The following STT3B variants were observed in gnomAD, a reference collection of about 807,000 sequenced individuals.
The protein encoded by STT3B is STT3 oligosaccharyltransferase complex catalytic subunit B.
In STT3B, 29 loss-of-function variants were observed where a neutral mutation model predicts 96.8. The observed-to-expected ratio is 0.30, with a 90% CI of 0.22 to 0.41. The LOEUF (loss-of-function observed/expected upper bound fraction) is 0.41. STT3B is among the 10% of genes least tolerant of loss of function. STT3B has a pLI of 1.00. For missense variants in STT3B, 640 were observed against 1,022.3 expected (o/e 0.63, Z 5.10); for synonymous variants, 367 against 360.0 (o/e 1.02, Z -0.22).
At position 31,600,394 on chromosome 3, in the gene STT3B, A is replaced by G. The variant is rs764101279; in HGVS notation, c.812A>G (p.Asn271Ser). The change falls in exon 5 of 16, where the codon AAT (asparagine) becomes AGT (serine). Residue 271 changes from asparagine to serine, a missense_variant. Physicochemically the swap from Asn to Ser is conservative, Grantham distance 46. This residue lies in a region of STT3B where 267 missense variants were observed against 388.3 expected (regional missense o/e 0.69). Coordinates refer to ENST00000295770, the MANE Select transcript of STT3B (RefSeq NM_178862.3). The stretch of plus-strand genomic sequence containing the variant: ...TGGGGTGGTTATGTATTTATCATCA[A>G]TCTTATTCCACTGCATGTATTTGTG... Reference protein sequence around the residue: ...SAWGGYVFIINLIPLHVFVLL... With the variant: ...SAWGGYVFIISLIPLHVFVLL... 27 of 1,594,500 alleles carry G rather than the reference A, an allele frequency of 1.7e-5. No homozygotes were observed. Among genetic ancestry groups the G allele is most frequent in the South Asian group, 3.4e-5 (3 of 89,382 alleles).
intron 1 of STT3B, among the ~76,000 whole-genome samples, chr3:31,557,848 T>G (rs1575412813): frequency 6.6e-6 from 1 of 152,170 alleles, no homozygotes; most frequent in Non-Finnish European, 1.5e-5. Flanking sequence ...GCTAGGATGG[T>G]CTTGATCTCC....
intron 5 of STT3B, among the ~76,000 whole-genome samples, chr3:31,609,596 T>G (rs1258744133): frequency 1.3e-5 from 2 of 152,042 alleles, no homozygotes; most frequent in Non-Finnish European, 2.9e-5. Flanking sequence ...TTTTTTTGTT[T>G]TGTTTTGTTT....
intron 3 of STT3B, among the ~76,000 whole-genome samples, chr3:31,580,597 G>T (rs1178023828): frequency 6.6e-6 from 1 of 152,040 alleles, no homozygotes; most frequent in African/African-American, 2.4e-5. Context: ...TCCAGTGATA[G>T]AAATTACCAA....
chr3:31,564,031 C>T (rs550153211), intron 1 of STT3B, among the ~76,000 whole-genome samples: 6 of 152,036 alleles, frequency 3.9e-5, no homozygotes, highest in African/African-American at 1.5e-4. Context: ...GAACATGAAC[C>T]GGGACCCAAA....
At chr3:31,579,740 G>C in intron 2 of STT3B, 69 bp from the exon 3 acceptor site, 1 of 1,220,476 alleles carries the variant, frequency 8.2e-7, no homozygotes, top group Non-Finnish European at 1.1e-6. Context: ...TAATGATGAA[G>C]AGTACATACA....
chr3:31,553,362 C>T (rs1005756503), intron 1 of STT3B, among the ~76,000 whole-genome samples: 25 of 152,194 alleles, frequency 1.6e-4, no homozygotes, highest in East Asian at 7.7e-4. Context: ...TTTCCTCCCC[C>T]GGAAACAACC....
chr3:31,615,166 C>T lies in STT3B; in HGVS notation c.939C>T (p.Phe313=). ...CAATGCAGATACCTTTTGTGGGATT[C>T]CAGCCAATCAGAACAAGTGAACACA... The part of the protein sequence containing the change: ...ILSMQIPFVG[F]QPIRTSEHMA... Residue 313 remains phenylalanine, a synonymous_variant, in exon 6 of 16, where the codon TTC becomes TTT. Transcript: ENST00000295770. The T allele has an allele frequency of 6.2e-7, 1 of 1,611,094 alleles. No homozygotes were observed. The highest frequency in any genetic ancestry group is 8.5e-7 in the Non-Finnish European group (1 of 1,177,962).
chr3:31,629,539 CTTTT>C (rs761751509), intron 14 of STT3B, 128 bp downstream of exon 14: 1 of 495,618 alleles, frequency 2.0e-6, no homozygotes, highest in Non-Finnish European at 3.5e-6. Flanking sequence ...TCTAAATAGT[CTTTT>C]TTTCATTAAA....
intron 1 of STT3B, among the ~76,000 whole-genome samples, chr3:31,536,108 T>TA (rs1697087959): frequency 6.6e-6 from 1 of 152,216 alleles, no homozygotes; most frequent in Non-Finnish European, 1.5e-5. Context: ...CTCACGTAGT[T>TA]AGGCATCTCA....
chr3:31,621,367 GTAGTTACACAGGTGTGTATA>G (rs1298950100), intron 9 of STT3B, among the ~76,000 whole-genome samples: 1 of 152,168 alleles, frequency 6.6e-6, no homozygotes, highest in African/African-American at 2.4e-5. Context: ...ATTATGGGTT[GTAGTTACACAGGTGTGTATA>G]TATACAAATT....
chr3:31,635,901 G>T lies in STT3B; in HGVS notation c.2401-83G>T, dbSNP rs925692783. 9 of 942,116 alleles carry T rather than the reference G, an allele frequency of 9.6e-6. No individual in the cohort carries two copies. In the Admixed American group the frequency reaches 2.2e-4, roughly 23 times the overall value. The allele number at this position is 942,116 out of a possible 1,614,324, so 58.4% of individuals were successfully genotyped here. Reference sequence around the variant, plus strand: ...GCAGAGAGCTTACTAAGTCATCATAGTTCAGTAAACCATGTGTGTGTTTAT... The same window carrying T: ...GCAGAGAGCTTACTAAGTCATCATATTTCAGTAAACCATGTGTGTGTTTAT... On this transcript the variant is annotated intron_variant, in intron 15 of 15. Transcript: ENST00000295770.
At chr3:31,533,879 G>C (rs1697015394) in intron 1 of STT3B, among the ~76,000 whole-genome samples, 1 of 152,198 alleles carries the variant, frequency 6.6e-6, no homozygotes, top group Non-Finnish European at 1.5e-5. Context: ...CGCTTTTACT[G>C]TTTCTTTTTA....
In STT3B at chr3:31,533,251, T is replaced by C; in HGVS notation, c.253T>C (p.Phe85Leu). 6.6e-7 allele frequency: 1 copy of C among 1,507,842 alleles called. No homozygotes were observed. Among genetic ancestry groups the C allele is most frequent in the Non-Finnish European group, 8.9e-7 (1 of 1,127,302 alleles). 93.4% of individuals were successfully genotyped at this position (1,507,842 alleles called of 1,614,324 possible). Residue 85 changes from phenylalanine to leucine, a missense_variant, in exon 1 of 16, where the codon TTC (phenylalanine) becomes CTC (leucine). By Grantham distance (22) the Phe-to-Leu change is conservative (BLOSUM62 0). Transcript: ENST00000295770. ...TILFLAWLAG[F>L]SSRLFAVIRF... ...CCTCTTCCTGGCCTGGCTTGCCGGC[T>C]TCAGCTCGCGCCTCTTCGCCGTCAT...
rs539626335 is a variant in STT3B, at chr3:31,637,330, A to C, written c.*1266A>C. 6.6e-6 allele frequency: 1 copy of C among 152,310 alleles called. No homozygotes were observed. The highest frequency in any genetic ancestry group is 2.4e-5 in the African/African-American group (1 of 41,572). 9.4% of individuals were successfully genotyped at this position (152,310 alleles called of 1,614,324 possible). On this transcript the variant is annotated 3_prime_UTR_variant, in exon 16 of 16. Coordinates refer to ENST00000295770, the MANE Select transcript of STT3B (RefSeq NM_178862.3). ...GGTGGAAAAGTGCAGAATAGTATGT[A>C]CCTTTTATGAAGAAAAATGTAATTT...
chr3:31,560,102 C>T (rs1697837942), intron 1 of STT3B, among the ~76,000 whole-genome samples: 1 of 151,988 alleles, frequency 6.6e-6, no homozygotes, highest in Non-Finnish European at 1.5e-5. Flanking sequence ...TTCTTGTAGG[C>T]AGCATATAGT....
At position 31,568,125 on chromosome 3, in the gene STT3B, T is replaced by TGG. The variant is rs1698049546; in HGVS notation, c.315-8270_315-8269dup. 2.0e-5 allele frequency among the ~76,000 whole-genome samples: 3 copies of TGG among 152,180 alleles called. No homozygotes were observed. In the South Asian group the frequency reaches 6.2e-4, roughly 31 times the overall value. On this transcript the variant is annotated intron_variant, in intron 1 of 15. Coordinates refer to ENST00000295770, the MANE Select transcript of STT3B (RefSeq NM_178862.3). ...CATGTAAAATTCGTCCTTCCATGCC[T>TGG]GGCTTATTTTACTTAACATAATGAC...
intron 15 of STT3B, among the ~76,000 whole-genome samples, chr3:31,635,587 G>A (rs902429784): frequency 9.9e-5 from 15 of 152,148 alleles, no homozygotes; most frequent in Non-Finnish European, 1.8e-4. Flanking sequence ...CTAAGTTAAC[G>A]TGTTTTTCTG....
At chr3:31,594,836 A>G (rs1698749635) in intron 3 of STT3B, among the ~76,000 whole-genome samples, 1 of 152,180 alleles carries the variant, frequency 6.6e-6, no homozygotes, top group Non-Finnish European at 1.5e-5. Flanking sequence ...AAACAGCCAG[A>G]TGAAGAGATA....
chr3:31,539,629 C>A (rs1697206664), intron 1 of STT3B, among the ~76,000 whole-genome samples: 1 of 152,158 alleles, frequency 6.6e-6, no homozygotes, highest in Non-Finnish European at 1.5e-5. Context: ...ACAATCCGGG[C>A]TGTAGCTAAC....
Sources: gnomAD v4.1 joint callset for allele counts (sites outside exome capture counted in the v4.1 genomes callset) on GRCh38, gnomAD v4.1.1 for gene constraint, gnomAD v4.1.1 regional missense constraint, MANE v1.5 for transcripts, NCBI Gene and HGNC (gene_info 2026-07-23, HGNC 2026-07-21) for gene names.